Variants in SPPL3 observed in about 807,000 individuals in gnomAD.
SPPL3 encodes the protein signal peptide peptidase-like 3.
SPPL3 carries 5 observed loss-of-function variants against 42.4 expected under a neutral mutation model. That is an observed-to-expected ratio of 0.12 (90% CI 0.06 to 0.25). The LOEUF is 0.25. Ranked by LOEUF, SPPL3 falls within the 10% of genes least tolerant of loss-of-function variation. The pLI, the probability that SPPL3 is intolerant of heterozygous loss-of-function variation, is 1.00. For missense variants in SPPL3, 235 were observed against 489.0 expected (o/e 0.48, Z 4.90); for synonymous variants, 195 against 181.8 (o/e 1.07, Z -0.58).
intron 1 of SPPL3, among the ~76,000 whole-genome samples, chr12:120,890,208 C>T (rs1358535011): frequency 6.6e-6 from 1 of 152,058 alleles, no homozygotes; most frequent in African/African-American, 2.4e-5. Flanking sequence ...GAGATTGCGC[C>T]ATAGCACTCC....
chr12:120,792,696 CAAAAAA>C (rs57603403), intron 2 of SPPL3, among the ~76,000 whole-genome samples: 1 of 71,770 alleles, frequency 1.4e-5, no homozygotes, highest in Admixed American at 1.7e-4. Context: ...GAGACTGTCT[CAAAAAA>C]AAAAAAAAAA....
chr12:120,799,515 T>C (rs1592968437), intron 2 of SPPL3, among the ~76,000 whole-genome samples: 1 of 152,096 alleles, frequency 6.6e-6, no homozygotes, highest in African/African-American at 2.4e-5. Context: ...AGCATCTAAC[T>C]GACAAGAACT....
intron 6 of SPPL3, among the ~76,000 whole-genome samples, chr12:120,779,224 G>C (rs1869438247): frequency 6.6e-6 from 1 of 152,206 alleles, no homozygotes; most frequent in Non-Finnish European, 1.5e-5. Context: ...CTCCAAACTT[G>C]AGGCAGTGAC....
chr12:120,876,634 A>AAAAAAAAAAAAAAG (rs1483322103), intron 1 of SPPL3, among the ~76,000 whole-genome samples: 4 of 148,612 alleles, frequency 2.7e-5, no homozygotes, highest in Non-Finnish European at 4.5e-5. Flanking sequence ...AAAAAAAAAA[A>AAAAAAAAAAAAAAG]AAGAAGAAAG....
chr12:120,873,062 G>A (rs1364015012), intron 1 of SPPL3, among the ~76,000 whole-genome samples: 1 of 152,164 alleles, frequency 6.6e-6, no homozygotes, highest in Non-Finnish European at 1.5e-5. Context: ...ACACAAGGAC[G>A]TTAAAACAAA....
intron 1 of SPPL3, among the ~76,000 whole-genome samples, chr12:120,867,444 A>G (rs1394859135): frequency 6.6e-6 from 1 of 152,142 alleles, no homozygotes; most frequent in African/African-American, 2.4e-5. Flanking sequence ...AGGTGGGTGG[A>G]TCACAAGGTC....
At chr12:120,818,024 C>T (rs958561294) in intron 1 of SPPL3, among the ~76,000 whole-genome samples, 2 of 152,136 alleles carry the variant, frequency 1.3e-5, no homozygotes, top group African/African-American at 4.8e-5. Flanking sequence ...AATAGGAAAT[C>T]AAAGCCCAGC....
chr12:120,898,395 G>C (rs1005370165), intron 1 of SPPL3, among the ~76,000 whole-genome samples: 3 of 147,616 alleles, frequency 2.0e-5, no homozygotes, highest in African/African-American at 7.5e-5. Context: ...ACTGGAGAGA[G>C]TACCAAAAAC....
intron 1 of SPPL3, among the ~76,000 whole-genome samples, chr12:120,867,388 T>C (rs542231273): frequency 1.8e-4 from 27 of 152,264 alleles, no homozygotes; most frequent in African/African-American, 6.5e-4. Context: ...ATGGTGTAGC[T>C]GGGCGCGGTG....
Position 120,768,367 on chromosome 12 carries a change from T to C in SPPL3, c.731A>G (p.Asp244Gly), listed in dbSNP as rs1592952638. Residue 244 changes from aspartate to glycine, a missense_variant, in exon 8 of 11, where the codon GAT becomes GGT. Transcript: ENST00000353487. ...TCCAGGCAGAGACAGGCGAGGAACA[T>C]CACGCCCAACATTGGGCCCCAGGTG... The part of the protein sequence containing the change: ...KLHLGPNVGR[D>G]VPRLSLPGKL... 1 of 1,614,116 alleles carries C rather than the reference T, an allele frequency of 6.2e-7. No individual in the cohort carries two copies.
At chr12:120,772,417 G>C (rs1467283) in intron 6 of SPPL3, among the ~76,000 whole-genome samples, 59,847 of 152,058 alleles carry the variant, frequency 0.39, 13,935 homozygotes, top group Middle Eastern at 0.56. Context: ...ATACTGGTAA[G>C]TTTATTCCCT....
intron 1 of SPPL3, among the ~76,000 whole-genome samples, chr12:120,856,284 GA>G (rs111617514): frequency 1.2e-3 from 168 of 138,820 alleles, no homozygotes; most frequent in Middle Eastern, 3.6e-3. Flanking sequence ...TAATCTGAAA[GA>G]AAAAAAAAAA....
chr12:120,765,118 A>G (rs1373321073), intron 10 of SPPL3, 48 bp from the exon 11 acceptor site: 2 of 1,588,346 alleles, frequency 1.3e-6, no homozygotes, highest in East Asian at 2.2e-5. Context: ...CATGAGGCAC[A>G]CACAGCTGTC....
intron 1 of SPPL3, among the ~76,000 whole-genome samples, chr12:120,815,344 T>G (rs569899399): frequency 2.2e-4 from 34 of 152,322 alleles, no homozygotes; most frequent in Non-Finnish European, 4.3e-4. Context: ...TGGTTTTTAT[T>G]TGCATTAAAA....
intron 6 of SPPL3, among the ~76,000 whole-genome samples, chr12:120,781,125 T>G (rs556473982): frequency 2.6e-5 from 4 of 152,270 alleles, no homozygotes; most frequent in African/African-American, 9.6e-5. Flanking sequence ...AGATGATCCA[T>G]GTAAAGCACC....
At chr12:120,896,190 A>C (rs1412851654) in intron 1 of SPPL3, among the ~76,000 whole-genome samples, 3 of 152,184 alleles carry the variant, frequency 2.0e-5, no homozygotes, top group Non-Finnish European at 4.4e-5. Flanking sequence ...CATACTCCTT[A>C]GTCTAATACC....
chr12:120,808,981 A>C (rs1179250305), intron 2 of SPPL3, among the ~76,000 whole-genome samples: 2 of 152,346 alleles, frequency 1.3e-5, no homozygotes, highest in African/African-American at 4.8e-5. Context: ...ATAAGGTTCT[A>C]AGTTCCTCTG....
chr12:120,873,665 G>A (rs1872994973), intron 1 of SPPL3, among the ~76,000 whole-genome samples: 1 of 152,068 alleles, frequency 6.6e-6, no homozygotes, highest in Non-Finnish European at 1.5e-5. Flanking sequence ...ATGAGGTCAG[G>A]AGTTCCAGAC....
At position 120,766,284 on chromosome 12, in the gene SPPL3, G is replaced by T; in HGVS notation, c.1062C>A (p.Leu354=). Residue 354 remains leucine, a synonymous_variant, in exon 10 of 11, where the codon CTC becomes CTA. Coordinates refer to ENST00000353487, the MANE Select transcript of SPPL3 (RefSeq NM_139015.5). ...LYLVPFTLLP[L]LTMAYLKGDL... is the part of the protein sequence containing the mutation. ...TCACCTTTAAATAGGCCATCGTGAG[G>T]AGTGGCAATAAAGTAAATGGCACCA... The T allele has an allele frequency of 6.3e-7, 1 of 1,592,706 alleles. No homozygotes were observed. The highest frequency in any genetic ancestry group is 1.1e-5 in the South Asian group (1 of 87,216).
Sources: gnomAD v4.1 joint callset for allele counts (sites outside exome capture counted in the v4.1 genomes callset) on GRCh38, gnomAD v4.1.1 for gene constraint, MANE v1.5 for transcripts, NCBI Gene and HGNC (gene_info 2026-07-23, HGNC 2026-07-21) for gene names.